The following FER variants were observed in gnomAD, a reference collection of about 807,000 sequenced individuals.
FER encodes FER tyrosine kinase, also known as tyrosine-protein kinase Fer.
A neutral mutation model predicts 111.0 loss-of-function variants in FER; 63 were observed. That is an observed-to-expected ratio of 0.57 (90% CI 0.46 to 0.70). The LOEUF (loss-of-function observed/expected upper bound fraction) is 0.70, where lower values mean the gene tolerates loss of function less well. Among genes scored for constraint, FER ranks in the 30% least tolerant of loss-of-function variants. FER has a pLI of 0.00. For missense variants in FER, 914 were observed against 954.0 expected, an observed-to-expected ratio of 0.96 and a Z score of 0.55; for synonymous variants, 327 against 313.9, an observed-to-expected ratio of 1.04 and a Z score of -0.44.
At chr5:108,775,882 C>G (rs867726367) in intron 2 of FER, among the ~76,000 whole-genome samples, 15 of 152,110 alleles carry the variant, frequency 9.9e-5, no homozygotes, top group African/African-American at 3.6e-4. Context: ...GCTTTGTATT[C>G]ATGTGAGGTT....
chr5:108,952,396 T>G (rs560200556), intron 11 of FER, among the ~76,000 whole-genome samples: 1 of 152,124 alleles, frequency 6.6e-6, no homozygotes, highest in South Asian at 2.1e-4. Flanking sequence ...AAATATTCCT[T>G]CCAGTGCTTC....
chr5:108,959,578 T>G lies in FER; in HGVS notation c.1656+231T>G, dbSNP rs537653616. Among the ~76,000 whole-genome samples the G allele has an allele frequency of 9.2e-5, 14 of 151,916 alleles. No homozygotes were observed. In the South Asian group the frequency reaches 2.9e-3, roughly 32 times the overall value. On this transcript the variant is annotated intron_variant, in intron 13 of 19. Coordinates refer to ENST00000281092, the MANE Select transcript of FER (RefSeq NM_005246.4). ...ATTTGCTAGTATACAGATGGCTTGG[T>G]TTTTTTTCCCCTTTCCTAGTTTTTC...
At chr5:108,929,599 GA>G (rs767743979) in intron 10 of FER, among the ~76,000 whole-genome samples, 2 of 147,386 alleles carry the variant, frequency 1.4e-5, no homozygotes, top group African/African-American at 5.3e-5. Flanking sequence ...AGAAGGAGGT[GA>G]TTTTTTTTTT....
chr5:108,860,654 C>A (rs532970274), intron 5 of FER, among the ~76,000 whole-genome samples: 2 of 152,282 alleles, frequency 1.3e-5, no homozygotes, highest in East Asian at 3.9e-4. Flanking sequence ...AGATGAATTC[C>A]TGTTCATTTT....
chr5:108,931,834 GA>G (rs1205626568), intron 10 of FER, among the ~76,000 whole-genome samples: 1 of 151,482 alleles, frequency 6.6e-6, no homozygotes, highest in East Asian at 1.9e-4. Flanking sequence ...CCATCTCGGG[GA>G]AAAAAAATAG....
intron 17 of FER, among the ~76,000 whole-genome samples, chr5:109,116,358 T>G (rs189289698): frequency 1.3e-5 from 2 of 152,080 alleles, no homozygotes; most frequent in Non-Finnish European, 2.9e-5. Flanking sequence ...AAAACTTGTT[T>G]CTGTTGCTTC....
chr5:109,186,198 A>G lies in FER; in HGVS notation c.2204-2A>G. On this transcript the variant is annotated splice_acceptor_variant, in intron 18 of 19. Coordinates refer to ENST00000281092, the MANE Select transcript of FER (RefSeq NM_005246.4). LOFTEE classifies it high-confidence loss of function. ...TGGTTATGGTTGTTGTTCCTCTTCCAGGGAGATACAGTTCAGAGAGTGACG... is the reference window on the plus strand; with the variant it reads ...TGGTTATGGTTGTTGTTCCTCTTCCGGGGAGATACAGTTCAGAGAGTGACG... 6.2e-7 allele frequency: 1 copy of G among 1,614,082 alleles called. No individual in the cohort carries two copies. Among genetic ancestry groups the G allele is most frequent in the Non-Finnish European group, 8.5e-7 (1 of 1,179,954 alleles).
intron 6 of FER, 55 bp downstream of exon 6, chr5:108,868,005 A>G: frequency 6.6e-7 from 1 of 1,522,984 alleles, no homozygotes; most frequent in East Asian, 2.3e-5. Flanking sequence ...ATTTCAACAT[A>G]TTTTCTCTCT....
chr5:109,187,324 A>ATAAC, intron 19 of FER, 109 bp from the exon 20 acceptor site: 2 of 1,140,586 alleles, frequency 1.8e-6, no homozygotes, highest in Admixed American at 2.4e-5. Context: ...TTGTTTCCAT[A>ATAAC]TAACTACAAC....
intron 13 of FER, among the ~76,000 whole-genome samples, chr5:108,968,204 T>C (rs994516963): frequency 6.6e-6 from 1 of 152,180 alleles, no homozygotes; most frequent in African/African-American, 2.4e-5. Context: ...CTGGCCAACA[T>C]GGCAAAATGC....
At chr5:108,875,106 T>C (rs570057460) in intron 8 of FER, among the ~76,000 whole-genome samples, 4 of 152,314 alleles carry the variant, frequency 2.6e-5, no homozygotes, top group South Asian at 2.1e-4. Context: ...TCATTATTTA[T>C]CTATCAGCCA....
At chr5:109,118,988 T>G (rs1356178139) in intron 17 of FER, among the ~76,000 whole-genome samples, 1 of 151,894 alleles carries the variant, frequency 6.6e-6, no homozygotes, top group Non-Finnish European at 1.5e-5. Flanking sequence ...TTTTGAAGGG[T>G]TTTTTGTGTC....
intron 9 of FER, among the ~76,000 whole-genome samples, chr5:108,891,713 G>A (rs1021613927): frequency 2.0e-5 from 3 of 149,374 alleles, no homozygotes; most frequent in Non-Finnish European, 4.4e-5. Context: ...TGTGCACAAC[G>A]TGCAGGTTAG....
rs1313756436 is a variant in FER at position 109,087,006 on chromosome 5, T to G, written c.1925-13390T>G. 2.0e-5 allele frequency among the ~76,000 whole-genome samples: 3 copies of G among 148,342 alleles called. 1 individual carries two copies. The highest frequency in any genetic ancestry group is 4.4e-4 in the South Asian group (2 of 4,564). ...GATACCAGTCATACTAGATTAGGGC[T>G]TACCCTGGGGACTTCATTTTACCTG... On this transcript the variant is annotated intron_variant, in intron 16 of 19. Coordinates refer to ENST00000281092, the MANE Select transcript of FER (RefSeq NM_005246.4).
At chr5:108,753,050 T>C (rs1268800646) in intron 1 of FER, among the ~76,000 whole-genome samples, 5 of 152,134 alleles carry the variant, frequency 3.3e-5, no homozygotes, top group African/African-American at 9.7e-5. Context: ...TTTTCTCATC[T>C]ATTCAATAGG....
chr5:109,001,077 A>G (rs1041641919), intron 13 of FER, among the ~76,000 whole-genome samples: 1 of 152,218 alleles, frequency 6.6e-6, no homozygotes, highest in African/African-American at 2.4e-5. Flanking sequence ...CCAGAGGTAC[A>G]AGGAGGAGCT....
chr5:109,136,463 A>G (rs1752907643), intron 17 of FER, among the ~76,000 whole-genome samples: 1 of 152,166 alleles, frequency 6.6e-6, no homozygotes. Flanking sequence ...TGGGTAGCAC[A>G]TAAATATCAT....
At chr5:108,981,378 A>G (rs540374537) in intron 13 of FER, among the ~76,000 whole-genome samples, 1 of 152,202 alleles carries the variant, frequency 6.6e-6, no homozygotes, top group Non-Finnish European at 1.5e-5. Context: ...AGAGAAAAAA[A>G]GCATATATAC....
intron 3 of FER, among the ~76,000 whole-genome samples, chr5:108,828,856 T>C (rs1345172799): frequency 6.6e-6 from 1 of 152,140 alleles, no homozygotes; most frequent in Non-Finnish European, 1.5e-5. Flanking sequence ...TCTTAGCACT[T>C]TGGGAGACCG....
Sources: allele counts gnomAD v4.1 joint callset (sites outside exome capture counted in the v4.1 genomes callset), GRCh38; gene constraint gnomAD v4.1.1; transcripts MANE v1.5; gene names NCBI Gene and HGNC (gene_info 2026-07-23, HGNC 2026-07-21).